Variants in ANKRD18B observed in about 807,000 individuals in gnomAD.
ANKRD18B encodes ankyrin repeat domain-containing protein 18B.
A neutral mutation model predicts 111.8 loss-of-function variants in ANKRD18B; 75 were observed. That is an observed-to-expected ratio of 0.67 (90% CI 0.56 to 0.81). The LOEUF (loss-of-function observed/expected upper bound fraction) is 0.81. Ranked by LOEUF, ANKRD18B falls within the 40% of genes least tolerant of loss-of-function variation. The pLI is 0.00. For synonymous variants in ANKRD18B, 356 were observed against 417.3 expected, an observed-to-expected ratio of 0.85 and a Z score of 1.79; for missense variants, 1,038 against 1,225.5, an observed-to-expected ratio of 0.85 and a Z score of 2.28.
intron 14 of ANKRD18B, 104 bp from the exon 15 acceptor site, chr9:33,566,115 A>G: frequency 2.0e-6 from 2 of 1,021,426 alleles, no homozygotes; most frequent in Non-Finnish European, 2.9e-6. Context: ...CATTATAGAT[A>G]ACATTTTATT....
intron 3 of ANKRD18B, among the ~76,000 whole-genome samples, chr9:33,531,024 G>C (rs1212577091): frequency 2.6e-5 from 4 of 152,080 alleles, no homozygotes; most frequent in Non-Finnish European, 4.4e-5. Context: ...GACTATCTCA[G>C]TATGTCTGTT....
rs1250598853 is a variant in ANKRD18B, at chr9:33,533,550, A to G, written c.602+5A>G. 6 of 1,527,412 alleles carry G rather than the reference A, an allele frequency of 3.9e-6. No individual in the cohort carries two copies. Among genetic ancestry groups the G allele is most frequent in the African/African-American group, 1.4e-5 (1 of 71,220 alleles). 94.6% of individuals were successfully genotyped at this position (1,527,412 alleles called of 1,614,324 possible). On this transcript the variant is annotated splice_donor_5th_base_variant and intron_variant, in intron 4 of 18. Coordinates refer to ENST00000684830, the MANE Select transcript of ANKRD18B (RefSeq NM_001393611.1). ...TGCCGTTGACAATTTCAAAAGGTGC[A>G]ATAGTTTTTGTTTTCTGTTTTCTTT...
chr9:33,541,189 AAAG>A lies in ANKRD18B; in HGVS notation c.1043_1045del (p.Arg348del). The A allele has an allele frequency of 6.5e-7, 1 of 1,544,646 alleles. No homozygotes were observed. The highest frequency in any genetic ancestry group is 8.7e-7 in the Non-Finnish European group (1 of 1,144,382). On this transcript the variant is annotated inframe_deletion, in exon 9 of 19. Coordinates refer to ENST00000684830, the MANE Select transcript of ANKRD18B (RefSeq NM_001393611.1). ...CCTGAAAATTTGAAAAAAAGAAAAA[AAAG>A]AAAAAAATTGAAAAAAAGAAAAGAA...
intron 4 of ANKRD18B, among the ~76,000 whole-genome samples, chr9:33,534,093 C>G (rs1366813329): frequency 6.6e-6 from 1 of 152,048 alleles, no homozygotes; most frequent in African/African-American, 2.4e-5. Flanking sequence ...AGCACAGTTT[C>G]TTGGCCATCA....
rs1828698857 is a variant in ANKRD18B, at chr9:33,567,162, A to G, written c.2802A>G (p.Leu934=). The part of the protein sequence containing the change: ...EQLNKDNTAS[L]KKKELTLKDV... ...TAAACAAGGATAATACGGCTTCACT[A>G]AAAAAGAAGGAACTCACACTTAAAG... Residue 934 remains leucine, a synonymous_variant, in exon 16 of 19, where the codon CTA becomes CTG. Transcript: ENST00000684830. 3 of 1,548,230 alleles carry G rather than the reference A, an allele frequency of 1.9e-6. No homozygotes were observed. The highest frequency in any genetic ancestry group is 4.0e-5 in the Admixed American group (2 of 50,526).
intron 5 of ANKRD18B, among the ~76,000 whole-genome samples, chr9:33,535,399 C>T (rs1258101852): frequency 3.9e-5 from 6 of 152,092 alleles, no homozygotes; most frequent in Non-Finnish European, 8.8e-5. Context: ...TATTCTCCTG[C>T]CTCAGCCTCC....
At chr9:33,553,506 A>C (rs1464289004) in intron 12 of ANKRD18B, among the ~76,000 whole-genome samples, 2 of 152,162 alleles carry the variant, frequency 1.3e-5, no homozygotes, top group African/African-American at 2.4e-5. Context: ...AATAGCCTCT[A>C]ACTTCTCCAG....
intron 10 of ANKRD18B, among the ~76,000 whole-genome samples, chr9:33,547,259 G>GTTTCC (rs1828370523): frequency 6.6e-6 from 1 of 152,170 alleles, no homozygotes; most frequent in Non-Finnish European, 1.5e-5. Flanking sequence ...TGGAAGTAGA[G>GTTTCC]TCAGAAGCCG....
At chr9:33,526,743 A>G (rs1828030483) in intron 1 of ANKRD18B, among the ~76,000 whole-genome samples, 1 of 152,174 alleles carries the variant, frequency 6.6e-6, no homozygotes, top group Non-Finnish European at 1.5e-5. Context: ...GATTTTATGT[A>G]TATACTTTAT....
At chr9:33,555,342 C>T (rs548584247) in intron 12 of ANKRD18B, among the ~76,000 whole-genome samples, 9 of 152,212 alleles carry the variant, frequency 5.9e-5, no homozygotes, top group African/African-American at 2.2e-4. Flanking sequence ...TGTAATTTAA[C>T]TTGGAATATC....
At chr9:33,555,054 A>T (rs1171066996) in intron 12 of ANKRD18B, among the ~76,000 whole-genome samples, 1 of 139,860 alleles carries the variant, frequency 7.2e-6, no homozygotes, top group East Asian at 2.0e-4. Context: ...AGTGATGAAA[A>T]ACAGATCTCT....
In ANKRD18B at chr9:33,567,294, C is replaced by T. The variant is rs1405695057; in HGVS notation, c.2934C>T (p.Ser978=). Reference sequence around the variant, plus strand: ...CAGTAGCATTGAAAGCTAACAGTTCCATGTCAGAAAAAATAACGAAGTAAG... The same window carrying T: ...CAGTAGCATTGAAAGCTAACAGTTCTATGTCAGAAAAAATAACGAAGTAAG... The part of the protein sequence containing the change: ...AFAVALKANS[S]MSEKITKSDK... The change falls in exon 16 of 19, where the codon TCC becomes TCT. Residue 978 remains serine (S), a synonymous_variant. Transcript: ENST00000684830. 1.3e-6 allele frequency: 2 copies of T among 1,541,556 alleles called. No individual in the cohort carries two copies. Among genetic ancestry groups the T allele is most frequent in the African/African-American group, 2.8e-5 (2 of 72,354 alleles).
intron 12 of ANKRD18B, among the ~76,000 whole-genome samples, chr9:33,553,566 C>T (rs1233236763): frequency 6.6e-6 from 1 of 152,078 alleles, no homozygotes; most frequent in Non-Finnish European, 1.5e-5. Context: ...TGGATTAAGA[C>T]ATTTGGTGGA....
At chr9:33,569,795 A>G (rs1828742242) in intron 17 of ANKRD18B, among the ~76,000 whole-genome samples, 1 of 152,096 alleles carries the variant, frequency 6.6e-6, no homozygotes, top group Non-Finnish European at 1.5e-5. Context: ...GCATTTTGGG[A>G]GGCTGAAGCA....
At chr9:33,541,315 C>T in intron 9 of ANKRD18B, 88 bp downstream of exon 9, 2 of 1,480,038 alleles carry the variant, frequency 1.4e-6, no homozygotes, top group South Asian at 2.9e-5. Context: ...GTATAGTTTC[C>T]TTGTCACAAA....
At chr9:33,571,873 C>T (rs1303587394) in intron 18 of ANKRD18B, 1 of 158,254 alleles carries the variant, frequency 6.3e-6, no homozygotes, top group East Asian at 1.9e-4. Context: ...ACCTATGTAT[C>T]CCCTCCACCA....
intron 16 of ANKRD18B, among the ~76,000 whole-genome samples, chr9:33,568,167 A>G (rs1045716876): frequency 8.5e-5 from 13 of 152,234 alleles, no homozygotes; most frequent in East Asian, 3.8e-4. Flanking sequence ...GGTTTACTAA[A>G]CACAAGTATT....
chr9:33,532,226 C>G (rs892558395), intron 3 of ANKRD18B, among the ~76,000 whole-genome samples: 3 of 151,562 alleles, frequency 2.0e-5, no homozygotes, highest in Non-Finnish European at 4.4e-5. Context: ...AGTGTGAGAC[C>G]CCATTTCCAA....
At chr9:33,529,259 T>A (rs1309488879) in intron 3 of ANKRD18B, 86 bp downstream of exon 3, 2 of 1,447,048 alleles carry the variant, frequency 1.4e-6, no homozygotes, top group Non-Finnish European at 1.8e-6. Flanking sequence ...GGAACTCAAG[T>A]ATTCCTGAAT....
Sources: allele counts gnomAD v4.1 joint callset (sites outside exome capture counted in the v4.1 genomes callset), GRCh38; gene constraint gnomAD v4.1.1; transcripts MANE v1.5; gene names NCBI Gene and HGNC (gene_info 2026-07-23, HGNC 2026-07-21).